PCDH11X: variants seen among roughly 807,000 people sequenced by gnomAD.
PCDH11X encodes the protein protocadherin 11 X-linked, also known as protocadherin-11 X-linked.
In PCDH11X, 18 loss-of-function variants were observed where a neutral mutation model predicts 53.3. The ratio of observed to expected loss-of-function variants is 0.34; its 90% CI spans 0.23 to 0.50. The LOEUF (loss-of-function observed/expected upper bound fraction) is 0.50. Among genes scored for constraint, PCDH11X ranks in the 20% least tolerant of loss-of-function variants. The pLI, the probability that PCDH11X is intolerant of heterozygous loss-of-function variation, is 0.98. For missense variants in PCDH11X, 570 were observed against 1,032.4 expected, an observed-to-expected ratio of 0.55 and a Z score of 6.14; for synonymous variants, 279 against 393.3, an observed-to-expected ratio of 0.71 and a Z score of 3.44.
intron 5 of PCDH11X, among the ~76,000 whole-genome samples, chrX:91,876,028 A>G (rs1487862107): frequency 8.9e-6 from 1 of 111,963 alleles, no homozygotes; most frequent in African/African-American, 3.2e-5. Context: ...ATCTTGGATA[A>G]TTCGCTTACA....
At chrX:92,166,170 A>G (rs1420031638) in intron 6 of PCDH11X, among the ~76,000 whole-genome samples, 8 of 107,404 alleles carry the variant, frequency 7.4e-5, no homozygotes, top group Admixed American at 7.1e-4. Flanking sequence ...TATATTTTCA[A>G]TACATTAAAA....
In PCDH11X at chrX:92,513,837, A is replaced by C. The variant is rs1354015670; in HGVS notation, c.3367+45515A>C. On this transcript the variant is annotated intron_variant, in intron 10 of 10. Coordinates refer to ENST00000682573, the MANE Select transcript of PCDH11X (RefSeq NM_032968.5). Reference sequence around the variant, plus strand: ...TTTTAACAAATTTACAGACTTCTACAACCATCACCATGACCCAATTTTAGA... The same window carrying C: ...TTTTAACAAATTTACAGACTTCTACCACCATCACCATGACCCAATTTTAGA... 5.4e-5 allele frequency among the ~76,000 whole-genome samples: 6 copies of C among 111,419 alleles called. No individual in the cohort carries two copies. The Admixed American group carries it at 5.7e-4, about 11-fold the overall frequency.
chrX:91,870,349 A>C (rs1939221473), intron 5 of PCDH11X, among the ~76,000 whole-genome samples: 1 of 111,441 alleles, frequency 9.0e-6, no homozygotes, highest in Admixed American at 9.6e-5. Context: ...ATGAAATGGT[A>C]TTTATTATAT....
intron 6 of PCDH11X, among the ~76,000 whole-genome samples, chrX:91,961,865 G>A (rs924145597): frequency 2.2e-4 from 24 of 110,226 alleles, no homozygotes; most frequent in Non-Finnish European, 4.2e-4. Context: ...TCTTCACATG[G>A]CAGCAGCAAG....
At chrX:92,399,192 C>CA (rs376361040) in intron 9 of PCDH11X, among the ~76,000 whole-genome samples, 4,471 of 91,474 alleles carry the variant, frequency 0.049, 267 homozygotes, top group African/African-American at 0.15. Context: ...GACTCCGTGT[C>CA]AAAAAAAAAA....
chrX:92,204,131 G>T (rs1305882224), intron 7 of PCDH11X, among the ~76,000 whole-genome samples: 1 of 111,674 alleles, frequency 9.0e-6, no homozygotes, highest in Admixed American at 9.5e-5. Context: ...CCTAGGTCTT[G>T]GTTCTGTGAT....
At position 92,329,628 on chromosome X, in the gene PCDH11X, T is replaced by C. The variant is rs1414832361; in HGVS notation, c.3145-58107T>C. Among the ~76,000 whole-genome samples the C allele has an allele frequency of 2.9e-4, 32 of 111,601 alleles. No homozygotes were observed. The Admixed American group carries it at 3.1e-3, about 11-fold the overall frequency. ...AAGAAAATGTGGCACATATATACAA[T>C]GGAGTACTATTTAGCCAGAAAAAGG... On this transcript the variant is annotated intron_variant, in intron 8 of 10. Coordinates refer to ENST00000682573, the MANE Select transcript of PCDH11X (RefSeq NM_032968.5).
intron 6 of PCDH11X, among the ~76,000 whole-genome samples, chrX:92,144,819 A>G (rs1001287521): frequency 4.5e-5 from 5 of 110,903 alleles, no homozygotes; most frequent in Admixed American, 3.9e-4. Context: ...AAATTTATGC[A>G]TTGTTAATTT....
intron 9 of PCDH11X, among the ~76,000 whole-genome samples, chrX:92,401,586 C>T (rs1415658690): frequency 8.9e-6 from 1 of 111,757 alleles, no homozygotes; most frequent in Admixed American, 9.5e-5. Flanking sequence ...CAATATGCCA[C>T]CTTTTATTAA....
chrX:91,877,366 C>T lies in PCDH11X; in HGVS notation c.1126C>T (p.Leu376Phe), dbSNP rs1169548051. ...DTVVLSENIP[L>F]NTKIALITVT... ...AGTTGTTCTTTCAGAAAATATTCCA[C>T]TCAACACCAAAATTGCTCTCATAAC... The change falls in exon 6 of 11, where the codon CTC becomes TTC. Residue 376 changes from leucine (L) to phenylalanine (F), a missense_variant. Around this residue, in one of 6 missense-constraint regions of PCDH11X, gnomAD observed 226 missense variants for 457.5 expected, o/e 0.49. Transcript: ENST00000682573. The T allele has an allele frequency of 4.2e-6, 5 of 1,198,988 alleles. No individual in the cohort carries two copies. The highest frequency in any genetic ancestry group is 3.7e-5 in the African/African-American group (2 of 54,215).
chrX:92,229,327 C>T, intron 7 of PCDH11X, among the ~76,000 whole-genome samples: 1 of 111,132 alleles, frequency 9.0e-6, no homozygotes, highest in South Asian at 3.8e-4. Context: ...GGACAACATG[C>T]AGTAGTCATG....
At chrX:91,876,634 C>A (rs1008770189) in intron 5 of PCDH11X, 147 bp from the exon 6 acceptor site, 1 of 685,289 alleles carries the variant, frequency 1.5e-6, no homozygotes, top group African/African-American at 2.3e-5. Context: ...GAACTGATCC[C>A]ATTATTTTAT....
chrX:92,440,828 C>T (rs1401675229), intron 9 of PCDH11X, among the ~76,000 whole-genome samples: 2 of 111,356 alleles, frequency 1.8e-5, no homozygotes, highest in East Asian at 5.7e-4. Context: ...AACTTTGGAA[C>T]TGGGTGACAG....
Position 91,886,929 on chromosome X carries a change from C to A in PCDH11X, c.3033+7656C>A, listed in dbSNP as rs1483060037. Among the ~76,000 whole-genome samples, 9 of 99,967 alleles carry A rather than the reference C, an allele frequency of 9.0e-5. No homozygotes were observed. In the Admixed American group the frequency reaches 9.9e-4, roughly 11 times the overall value. 86.8% of individuals were successfully genotyped at this position (99,967 alleles called of 115,157 possible). On this transcript the variant is annotated intron_variant, in intron 6 of 10. Transcript: ENST00000682573. ...GAGCTTGCAGTGAGCCAAGATGGCGCCACTGCACTCCAGCCTGGGCGACAG... is the reference window on the plus strand; with the variant it reads ...GAGCTTGCAGTGAGCCAAGATGGCGACACTGCACTCCAGCCTGGGCGACAG...
In PCDH11X at chrX:92,174,777, CA is replaced by C. The variant is rs1209924495; in HGVS notation, c.3034-26594del. Among the ~76,000 whole-genome samples, 6 of 111,118 alleles carry C rather than the reference CA, an allele frequency of 5.4e-5. No homozygotes were observed. In the South Asian group the frequency reaches 2.3e-3, roughly 42 times the overall value. On this transcript the variant is annotated intron_variant, in intron 6 of 10. Coordinates refer to ENST00000682573, the MANE Select transcript of PCDH11X (RefSeq NM_032968.5). The stretch of plus-strand genomic sequence containing the variant: ...CAGATAGTTAAGTTGTTAAACTATC[CA>C]AAATAAATGTTACTACTTGATGTTA...
chrX:91,858,179 C>T (rs1271178754), intron 5 of PCDH11X, among the ~76,000 whole-genome samples: 1 of 109,468 alleles, frequency 9.1e-6, no homozygotes, highest in Non-Finnish European at 1.9e-5. Flanking sequence ...GAAGCAACAG[C>T]CTGAGCTCTA....
chrX:91,968,922 A>G (rs887494986), intron 6 of PCDH11X, among the ~76,000 whole-genome samples: 2 of 111,708 alleles, frequency 1.8e-5, no homozygotes, highest in African/African-American at 3.3e-5. Flanking sequence ...ACTTAGAACT[A>G]AAAAAAGGCA....
intron 10 of PCDH11X, among the ~76,000 whole-genome samples, chrX:92,595,061 T>G (rs1390247727): frequency 2.7e-5 from 3 of 110,685 alleles, no homozygotes; most frequent in African/African-American, 9.9e-5. Flanking sequence ...CTTTTTTCTT[T>G]TGTAACAGGA....
intron 8 of PCDH11X, among the ~76,000 whole-genome samples, chrX:92,328,630 A>C (rs2069391201): frequency 1.8e-5 from 2 of 111,033 alleles, no homozygotes; most frequent in South Asian, 7.5e-4. Flanking sequence ...ACAGATATTA[A>C]AAGTATAAAA....
Sources: allele counts gnomAD v4.1 joint callset (sites outside exome capture counted in the v4.1 genomes callset), GRCh38; gene constraint gnomAD v4.1.1; regional missense constraint gnomAD v4.1.1; transcripts MANE v1.5; gene names NCBI Gene and HGNC (gene_info 2026-07-23, HGNC 2026-07-21).